Variants in TAT observed in about 807,000 individuals in gnomAD.
The protein encoded by TAT is L-tyrosine:2-oxoglutarate aminotransferase.
A neutral mutation model predicts 53.6 loss-of-function variants in TAT; 35 were observed. The ratio of observed to expected loss-of-function variants is 0.65; its 90% CI spans 0.50 to 0.87. The LOEUF is 0.87. TAT is among the 40% of genes least tolerant of loss of function. TAT has a pLI of 0.00. For synonymous variants in TAT, 197 were observed against 206.5 expected, an observed-to-expected ratio of 0.95 and a Z score of 0.39; for missense variants, 525 against 571.8, an observed-to-expected ratio of 0.92 and a Z score of 0.83.
At position 71,576,333 on chromosome 16, in the gene TAT, C is replaced by T. The variant is rs746126491; in HGVS notation, c.83G>A (p.Ser28Asn). 1 of 1,614,192 alleles carries T rather than the reference C, an allele frequency of 6.2e-7. No individual in the cohort carries two copies. Among genetic ancestry groups the T allele is most frequent in the Non-Finnish European group, 8.5e-7 (1 of 1,180,050 alleles). ...GCCTTTCATTTTTCCCGGCACAGAG[C>T]TTCTCCCACCAACGTTGACATGCAC... ...LDVHVNVGGR[S>N]SVPGKMKGRK... Residue 28 changes from serine (S) to asparagine (N), a missense_variant, in exon 2 of 12, where the codon AGC (serine) becomes AAC (asparagine). Coordinates refer to ENST00000355962, the MANE Select transcript of TAT (RefSeq NM_000353.3).
Position 71,570,299 on chromosome 16 carries a change from C to T in TAT, c.1011G>A (p.Glu337=), listed in dbSNP as rs2044192532. ...LKSILCRTPG[E]FYHNTLSFLK... is the part of the protein sequence containing the mutation. ...GGAAGCTCAGAGTGTTGTGGTAAAACTCTCCCGGGGTGCGACATAGGATGC... is the reference window on the plus strand; with the variant it reads ...GGAAGCTCAGAGTGTTGTGGTAAAATTCTCCCGGGGTGCGACATAGGATGC... Residue 337 remains glutamate (E), a synonymous_variant, in exon 9 of 12, where the codon GAG becomes GAA. Coordinates refer to ENST00000355962, the MANE Select transcript of TAT (RefSeq NM_000353.3). 1 of 1,614,156 alleles carries T rather than the reference C, an allele frequency of 6.2e-7. No homozygotes were observed. The highest frequency in any genetic ancestry group is 8.5e-7 in the Non-Finnish European group (1 of 1,180,026).
intron 3 of TAT, 126 bp from the exon 4 acceptor site, chr16:71,573,732 G>C: frequency 1.2e-6 from 1 of 811,090 alleles, no homozygotes; most frequent in South Asian, 1.5e-5. Flanking sequence ...CTGGGCTCAA[G>C]GGATCCTCCC....
At chr16:71,575,766 A>T (rs989727348) in intron 3 of TAT, 156 bp downstream of exon 3, 22 of 820,832 alleles carry the variant, frequency 2.7e-5, no homozygotes, top group African/African-American at 3.4e-5. Flanking sequence ...AAGCATCCCG[A>T]GACCCGGTTC....
At chr16:71,576,490 C>A (rs147974389) in intron 1 of TAT, 63 bp from the exon 2 acceptor site, 26,816 of 1,383,790 alleles carry the variant, frequency 0.019, 339 homozygotes, top group Middle Eastern at 0.036. Context: ...AGAGGAGCTA[C>A]ATTTGGACCT....
At chr16:71,575,009 G>A (rs1372692099) in intron 3 of TAT, 1 of 152,060 alleles carries the variant, frequency 6.6e-6, no homozygotes, top group African/African-American at 2.4e-5. Flanking sequence ...CTTGGTTTTG[G>A]TTTTTCAGGT....
Position 71,570,399 on chromosome 16 carries a change from T to G in TAT, c.913-2A>C, listed in dbSNP as rs2044193665. 1 of 1,614,060 alleles carries G rather than the reference T, an allele frequency of 6.2e-7. No individual in the cohort carries two copies. The highest frequency in any genetic ancestry group is 8.5e-7 in the Non-Finnish European group (1 of 1,180,050). On this transcript the variant is annotated splice_acceptor_variant, in intron 8 of 11. Coordinates refer to ENST00000355962, the MANE Select transcript of TAT (RefSeq NM_000353.3). LOFTEE classifies it high-confidence loss of function. ...CAGCTTCACCAGCCCATCTCGGATC[T>G]AAAAGACACCCACAAGAAACATGTT...
At chr16:71,575,788 G>A in intron 3 of TAT, 134 bp downstream of exon 3, 1 of 989,798 alleles carries the variant, frequency 1.0e-6, no homozygotes, top group East Asian at 2.4e-5. Context: ...CAAATCCAAA[G>A]GACCATGTAA....
intron 10 of TAT, 66 bp from the exon 11 acceptor site, chr16:71,568,875 A>C (rs2044182155): frequency 1.7e-6 from 2 of 1,171,922 alleles, no homozygotes; most frequent in South Asian, 2.5e-5. Context: ...TTCCTGTGCC[A>C]GAAATTAAGG....
At position 71,569,584 on chromosome 16, in the gene TAT, G is replaced by A. The variant is rs1364210; in HGVS notation, c.1125+270C>T. On this transcript the variant is annotated intron_variant, in intron 10 of 11. Transcript: ENST00000355962. ...TCTAACTCCTGCGCTCAAGTGATCC[G>A]TCCACCTTGGCCTCCCAAAGTGCTG... Among the ~76,000 whole-genome samples the A allele has an allele frequency of 0.098, 14,904 of 152,206 alleles. 1,010 individuals are homozygous for A. Among genetic ancestry groups the A allele is most frequent in the Non-Finnish European group, 0.16 (10,734 of 68,004 alleles).
Position 71,568,744 on chromosome 16 carries a change from A to G in TAT, c.1191T>C (p.Val397=), listed in dbSNP as rs768681443. The G allele has an allele frequency of 6.2e-7, 1 of 1,613,996 alleles. No individual in the cohort carries two copies. Among genetic ancestry groups the G allele is most frequent in the Non-Finnish European group, 8.5e-7 (1 of 1,180,000 alleles). Residue 397 remains valine, a synonymous_variant, in exon 11 of 12, where the codon GTT becomes GTC. Coordinates refer to ENST00000355962, the MANE Select transcript of TAT (RefSeq NM_000353.3). ...ENDVEFTERL[V]AEQSVHCLPA... ...GGAGGCAGTGGACAGACTGCTCAGC[A>G]ACTAACCGCTCCGTGAACTCCACAT... is the stretch of plus-strand genomic sequence containing the variant.
intron 3 of TAT, chr16:71,575,295 T>C (rs960901480): frequency 1.3e-5 from 2 of 154,526 alleles, no homozygotes; most frequent in African/African-American, 4.8e-5. Context: ...AATCATGTAC[T>C]TTACCAAAAT....
At chr16:71,572,494 C>A (rs2044209677) in intron 5 of TAT, 36 bp downstream of exon 5, 1 of 1,613,742 alleles carries the variant, frequency 6.2e-7, no homozygotes, top group African/African-American at 1.3e-5. Context: ...AGGTTAGTAA[C>A]TGAGCATTTG....
chr16:71,572,113 G>GT, intron 6 of TAT, 73 bp downstream of exon 6: 1 of 1,596,864 alleles, frequency 6.3e-7, no homozygotes, highest in Non-Finnish European at 8.6e-7. Context: ...GGAATGACTG[G>GT]TTTTTGTCAT....
At chr16:71,570,418 A>G (rs376868833) in intron 8 of TAT, 21 bp from the exon 9 acceptor site, 22 of 1,614,082 alleles carry the variant, frequency 1.4e-5, no homozygotes, top group Non-Finnish European at 1.8e-5. Flanking sequence ...CCCACAAGAA[A>G]CATGTTGTTT....
intron 7 of TAT, 100 bp from the exon 8 acceptor site, chr16:71,570,931 G>A: frequency 7.0e-7 from 1 of 1,435,282 alleles, no homozygotes; most frequent in South Asian, 1.2e-5. Flanking sequence ...CTAGGGACAG[G>A]TCCTTGGATT....
chr16:71,566,412 T>G lies in TAT; in HGVS notation c.*1732A>C, dbSNP rs1399772393. 1 of 144,598 alleles carries G rather than the reference T, an allele frequency of 6.9e-6. No individual in the cohort carries two copies. Among genetic ancestry groups the G allele is most frequent in the African/African-American group, 2.6e-5 (1 of 38,472 alleles). The allele number at this position is 144,598 out of a possible 1,614,324, so 9.0% of individuals were successfully genotyped here. ...TGAAAGGTAACTTAAGGCTCCCTCC[T>G]CTAAGGGAAGGGCTGAAGAAAAAAT... On this transcript the variant is annotated 3_prime_UTR_variant, in exon 12 of 12. Coordinates refer to ENST00000355962, the MANE Select transcript of TAT (RefSeq NM_000353.3).
rs1424063650 is a variant in TAT, at chr16:71,568,217, C to T, written c.1292G>A (p.Cys431Tyr). 1.9e-6 allele frequency: 3 copies of T among 1,614,100 alleles called. No homozygotes were observed. The African/African-American group carries it at 4.0e-5, about 22-fold the overall frequency. Residue 431 changes from cysteine (C) to tyrosine (Y), a missense_variant, in exon 12 of 12, where the codon TGC becomes TAC. Transcript: ENST00000355962. ...TVPEVMMLEA[C>Y]SRIQEFCEQH... ...CTCACAGAACTCCTGGATCCGGCTG[C>T]ACGCCTCCAGCATCATCACCTCGGG... is the stretch of plus-strand genomic sequence containing the variant.
intron 10 of TAT, among the ~76,000 whole-genome samples, chr16:71,569,301 A>C (rs951570668): frequency 1.3e-5 from 2 of 152,144 alleles, no homozygotes; most frequent in Non-Finnish European, 2.9e-5. Context: ...CTGTATCTAC[A>C]TATATAAAAT....
intron 10 of TAT, 50 bp downstream of exon 10, chr16:71,569,804 C>CTT: frequency 6.4e-7 from 1 of 1,564,780 alleles, no homozygotes; most frequent in Non-Finnish European, 8.8e-7. Flanking sequence ...AATGACTGCC[C>CTT]TTTGCCTTAC....
Sources: gnomAD v4.1 joint callset for allele counts (sites outside exome capture counted in the v4.1 genomes callset) on GRCh38, gnomAD v4.1.1 for gene constraint, MANE v1.5 for transcripts, NCBI Gene and HGNC (gene_info 2026-07-23, HGNC 2026-07-21) for gene names.